Variants in MALRD1 observed in about 807,000 individuals in gnomAD.
MALRD1 encodes MAM and LDL receptor class A domain containing 1.
A neutral mutation model predicts 242.1 loss-of-function variants in MALRD1; 247 were observed. The observed-to-expected ratio is 1.02, with a 90% CI of 0.92 to 1.13. MALRD1 has a LOEUF of 1.13. MALRD1 is among the 50% of genes most tolerant of loss of function. MALRD1 has a pLI of 0.00. For missense variants in MALRD1, 2,989 were observed against 2,533.1 expected (o/e 1.18, Z -3.86); for synonymous variants, 995 against 866.6 (o/e 1.15, Z -2.60).
chr10:19,697,679 C>T (rs1427747539), intron 38 of MALRD1, among the ~76,000 whole-genome samples: 2 of 152,184 alleles, frequency 1.3e-5, no homozygotes, highest in East Asian at 3.9e-4. Context: ...AGAGGACCCT[C>T]GGGCAAATAT....
At chr10:19,119,069 G>A (rs551679480) in intron 5 of MALRD1, among the ~76,000 whole-genome samples, 1 of 152,284 alleles carries the variant, frequency 6.6e-6, no homozygotes, top group East Asian at 1.9e-4. Flanking sequence ...GAGGTCATAA[G>A]ATGTAGTTGG....
At position 19,692,442 on chromosome 10, in the gene MALRD1, T is replaced by C. The variant is rs1833120972; in HGVS notation, c.6218-16T>C. ...TTCACTGCATATTTATCTTTTTCTT[T>C]GGTTTAAAATTCCAGATACATGGAC... On this transcript the variant is annotated splice_polypyrimidine_tract_variant and intron_variant, in intron 37 of 39. Transcript: ENST00000454679. The C allele has an allele frequency of 3.3e-6, 5 of 1,534,310 alleles. No individual in the cohort carries two copies. The East Asian group carries it at 1.2e-4, about 38-fold the overall frequency.
chr10:19,475,736 G>C (rs1257558534), intron 29 of MALRD1, among the ~76,000 whole-genome samples: 1 of 152,102 alleles, frequency 6.6e-6, no homozygotes, highest in African/African-American at 2.4e-5. Context: ...CCTGAAATTT[G>C]CACATAAATT....
rs149053773 is a variant in MALRD1 at position 19,712,916 on chromosome 10, C to G, written c.6315-17790C>G. 1.4e-3 allele frequency among the ~76,000 whole-genome samples: 219 copies of G among 152,268 alleles called. 2 individuals are homozygous for G. In the Middle Eastern group the frequency reaches 0.017, roughly 12 times the overall value. On this transcript the variant is annotated intron_variant, in intron 38 of 39. Coordinates refer to ENST00000454679, the MANE Select transcript of MALRD1 (RefSeq NM_001142308.3). The stretch of plus-strand genomic sequence containing the variant: ...CATATCCCTGTCAATAGAACAGAGC[C>G]ACTCAAATGCTGTGTGTTGAAGGAA...
chr10:19,288,276 C>T lies in MALRD1; in HGVS notation c.3419+5095C>T, dbSNP rs189155804. Reference sequence around the variant, plus strand: ...ACATCATGGAGAGCAGGGTACCCATCCCCTAAGCATTTATCCTTTGAGTTA... The same window carrying T: ...ACATCATGGAGAGCAGGGTACCCATTCCCTAAGCATTTATCCTTTGAGTTA... On this transcript the variant is annotated intron_variant, in intron 21 of 39. Transcript: ENST00000454679. Among the ~76,000 whole-genome samples the T allele has an allele frequency of 2.2e-4, 33 of 152,092 alleles. 1 individual carries two copies. The highest frequency in any genetic ancestry group is 2.9e-5 in the Non-Finnish European group (2 of 67,976).
intron 29 of MALRD1, among the ~76,000 whole-genome samples, chr10:19,454,405 G>GATATATATATATAT (rs141643131): frequency 0.029 from 2,294 of 80,006 alleles, 96 homozygotes; most frequent in South Asian, 0.037. Flanking sequence ...TTATGCATAT[G>GATATATATATATAT]ATATATATAT....
In MALRD1 at chr10:19,442,900, G is replaced by T. The variant is rs1043502792; in HGVS notation, c.4846-7407G>T. 3.9e-5 allele frequency among the ~76,000 whole-genome samples: 6 copies of T among 152,280 alleles called. No homozygotes were observed. The East Asian group carries it at 9.7e-4, about 25-fold the overall frequency. ...AATAGTTTCAGAAGGAATGATACCA[G>T]CTCCTCTTTGTACCTCTGGTAGAAT... On this transcript the variant is annotated intron_variant, in intron 28 of 39. Transcript: ENST00000454679.
chr10:19,203,807 C>G lies in MALRD1; in HGVS notation c.2031C>G (p.Ser677Arg). 1 of 1,550,546 alleles carries G rather than the reference C, an allele frequency of 6.4e-7. No individual in the cohort carries two copies. Among genetic ancestry groups the G allele is most frequent in the Non-Finnish European group, 8.7e-7 (1 of 1,146,942 alleles). Reference protein sequence around the residue: ...ISGDHFDWIRSSQSELSADFE... With the variant: ...ISGDHFDWIRRSQSELSADFE... ...GTGACCATTTTGACTGGATACGGAG[C>G]TCTCAGAGTGAACTTTCTGCTGATT... is the stretch of plus-strand genomic sequence containing the variant. Residue 677 changes from serine (S) to arginine (R), a missense_variant, in exon 15 of 40, where the codon AGC becomes AGG. Transcript: ENST00000454679.
rs1833111068 is a variant in MALRD1 at position 19,692,337 on chromosome 10, A to G, written c.6193A>G (p.Thr2065Ala). The G allele has an allele frequency of 2.0e-6, 3 of 1,535,368 alleles. No individual in the cohort carries two copies. Among genetic ancestry groups the G allele is most frequent in the African/African-American group, 1.4e-5 (1 of 73,006 alleles). Reference sequence around the variant, plus strand: ...CCATATCAAGTTTAATCCTCCTGCTACAGACTTCACATACGCTCAGAATAG... The same window carrying G: ...CCATATCAAGTTTAATCCTCCTGCTGCAGACTTCACATACGCTCAGAATAG... ...RCHIKFNPPATDFTYAQNNTW... is the reference protein window; with the variant it reads ...RCHIKFNPPAADFTYAQNNTW... The change falls in exon 37 of 40, where the codon ACA (threonine) becomes GCA (alanine). Residue 2065 changes from threonine to alanine, a missense_variant. Physicochemically the swap from Thr to Ala is moderately conservative, Grantham distance 58 (BLOSUM62 0). Transcript: ENST00000454679.
intron 21 of MALRD1, among the ~76,000 whole-genome samples, chr10:19,302,893 T>A (rs1358583188): frequency 6.6e-6 from 1 of 151,758 alleles, no homozygotes; most frequent in Non-Finnish European, 1.5e-5. Flanking sequence ...TAAGATTTTT[T>A]AACTAACAAC....
chr10:19,609,921 A>C (rs958983374), intron 35 of MALRD1, among the ~76,000 whole-genome samples: 5 of 151,920 alleles, frequency 3.3e-5, no homozygotes, highest in Non-Finnish European at 7.4e-5. Context: ...TATAAATATA[A>C]TACTATACAT....
rs1421585680 is a variant in MALRD1, at chr10:19,289,237, G to C, written c.3419+6056G>C. Among the ~76,000 whole-genome samples the C allele has an allele frequency of 2.0e-5, 3 of 152,074 alleles. No homozygotes were observed. In the East Asian group the frequency reaches 5.8e-4, roughly 29 times the overall value. On this transcript the variant is annotated intron_variant, in intron 21 of 39. Transcript: ENST00000454679. ...TCACATATAAGTGGTAAAGGTAGAA[G>C]TAGCAATGTGTCAAAAGCAATAATT...
chr10:19,348,048 A>C (rs143133028), intron 25 of MALRD1, 30 bp downstream of exon 25: 93 of 1,541,162 alleles, frequency 6.0e-5, no homozygotes, highest in African/African-American at 5.6e-4. Context: ...AACCAACCAA[A>C]CAAACACAGA....
chr10:19,670,092 A>AC (rs397838380), intron 36 of MALRD1, among the ~76,000 whole-genome samples: 214 of 150,926 alleles, frequency 1.4e-3, no homozygotes, highest in African/African-American at 4.6e-3. Context: ...ACACACACAC[A>AC]AACACACACA....
At chr10:19,562,912 C>T (rs897911280) in intron 32 of MALRD1, among the ~76,000 whole-genome samples, 1 of 152,162 alleles carries the variant, frequency 6.6e-6, no homozygotes, top group South Asian at 2.1e-4. Context: ...GTCACTTCCC[C>T]TGGCACCCCA....
Position 19,608,981 on chromosome 10 carries a change from A to G in MALRD1, c.6070+1079A>G, listed in dbSNP as rs924816254. 5.3e-5 allele frequency among the ~76,000 whole-genome samples: 8 copies of G among 152,236 alleles called. No homozygotes were observed. The South Asian group carries it at 8.3e-4, about 16-fold the overall frequency. Reference sequence around the variant, plus strand: ...CTGAGTAGCTCTATTCTTTGACACTATTAAGACAGTATTTATGCCAGACCC... The same window carrying G: ...CTGAGTAGCTCTATTCTTTGACACTGTTAAGACAGTATTTATGCCAGACCC... On this transcript the variant is annotated intron_variant, in intron 35 of 39. Coordinates refer to ENST00000454679, the MANE Select transcript of MALRD1 (RefSeq NM_001142308.3).
At chr10:19,211,624 T>C (rs755085511) in intron 18 of MALRD1, among the ~76,000 whole-genome samples, 5 of 129,318 alleles carry the variant, frequency 3.9e-5, no homozygotes, top group Non-Finnish European at 7.7e-5. Context: ...GAGGCTGAAG[T>C]TGCAGTGAGC....
Position 19,692,334 on chromosome 10 carries a change from G to A in MALRD1, c.6190G>A (p.Ala2064Thr), listed in dbSNP as rs1360166611. The A allele has an allele frequency of 6.5e-7, 1 of 1,535,434 alleles. No homozygotes were observed. Among genetic ancestry groups the A allele is most frequent in the Non-Finnish European group, 8.7e-7 (1 of 1,146,520 alleles). ...ATGCCATATCAAGTTTAATCCTCCT[G>A]CTACAGACTTCACATACGCTCAGAA... ...NRCHIKFNPP[A>T]TDFTYAQNNT... The change falls in exon 37 of 40, where the codon GCT (alanine) becomes ACT (threonine). Residue 2064 changes from alanine (A) to threonine (T), a missense_variant. By Grantham distance (58) the Ala-to-Thr change is moderately conservative. Coordinates refer to ENST00000454679, the MANE Select transcript of MALRD1 (RefSeq NM_001142308.3).
intron 11 of MALRD1, among the ~76,000 whole-genome samples, 166 bp from the exon 12 acceptor site, chr10:19,154,909 G>A (rs1318727169): frequency 2.0e-5 from 3 of 152,058 alleles, no homozygotes; most frequent in Non-Finnish European, 4.4e-5. Flanking sequence ...ATGTTATACC[G>A]GTATAAATGC....
Sources: allele counts gnomAD v4.1 joint callset (sites outside exome capture counted in the v4.1 genomes callset), GRCh38; gene constraint gnomAD v4.1.1; transcripts MANE v1.5; gene names NCBI Gene and HGNC (gene_info 2026-07-23, HGNC 2026-07-21).